DCAF1: variants seen among roughly 807,000 people sequenced by gnomAD.
The protein encoded by DCAF1 is DDB1 and CUL4 associated factor 1.
DCAF1 carries 15 observed loss-of-function variants against 128.0 expected under a neutral mutation model. The ratio of observed to expected loss-of-function variants is 0.12; its 90% confidence interval spans 0.08 to 0.18. The LOEUF is 0.18. Among genes scored for constraint, DCAF1 ranks in the 10% least tolerant of loss-of-function variants. The pLI is 1.00. For missense variants in DCAF1, 988 were observed against 1,649.5 expected (o/e 0.60, Z 6.95); for synonymous variants, 610 against 603.0 (o/e 1.01, Z -0.17).
chr3:51,431,728 G>A (rs1376555793), intron 10 of DCAF1, among the ~76,000 whole-genome samples: 11 of 151,572 alleles, frequency 7.3e-5, no homozygotes, highest in Admixed American at 6.6e-4. Context: ...ATGGTGGGAG[G>A]AGTACTTGAG....
chr3:51,413,115 C>T (rs781914133), intron 21 of DCAF1, 49 bp from the exon 22 acceptor site: 1 of 1,608,174 alleles, frequency 6.2e-7, no homozygotes, highest in South Asian at 1.1e-5. Context: ...TGCTGTGACC[C>T]TAAAACCTGC....
In DCAF1 at chr3:51,418,861, T is replaced by C. The variant is rs1553631454; in HGVS notation, c.3252A>G (p.Ser1084=). The C allele has an allele frequency of 6.2e-7, 1 of 1,612,110 alleles. No individual in the cohort carries two copies. The highest frequency in any genetic ancestry group is 2.2e-5 in the East Asian group (1 of 44,860). ...HLIFSRFRPI[S]VFREANEDES... ...CATCTTCATTGGCTTCCCGGAACAC[T>C]GAAATAGGACGGAATCTAAGCAAAA... The change falls in exon 16 of 25, where the codon TCA becomes TCG. Residue 1084 remains serine (S), a synonymous_variant. Coordinates refer to ENST00000684031, the MANE Select transcript of DCAF1 (RefSeq NM_001387579.1).
At chr3:51,496,353 G>C (rs1200016996) in intron 2 of DCAF1, among the ~76,000 whole-genome samples, 1 of 152,100 alleles carries the variant, frequency 6.6e-6, no homozygotes, top group Non-Finnish European at 1.5e-5. Context: ...CTTGAACCCA[G>C]GAGACAGAGG....
chr3:51,420,324 G>A lies in DCAF1; in HGVS notation c.2646C>T (p.Ser882=), dbSNP rs1276199037. ...KEADLPMTAA[S]HSSAFTPVTA... ...TGACTGGGGTAAAGGCAGAAGAATGGGAGGCAGCAGTCATGGGCAGGTCAG... is the reference window on the plus strand; with the variant it reads ...TGACTGGGGTAAAGGCAGAAGAATGAGAGGCAGCAGTCATGGGCAGGTCAG... The change falls in exon 15 of 25, where the codon TCC becomes TCT. Residue 882 remains serine, a synonymous_variant. Coordinates refer to ENST00000684031, the MANE Select transcript of DCAF1 (RefSeq NM_001387579.1). This position sits in a 1 kb window ranked among gnomAD's most constrained non-coding sequence, Gnocchi z 6.5. The A allele has an allele frequency of 7.4e-6, 12 of 1,613,880 alleles. No individual in the cohort carries two copies. Among genetic ancestry groups the A allele is most frequent in the African/African-American group, 1.3e-5 (1 of 74,924 alleles).
chr3:51,447,810 T>A (rs1027771763), intron 6 of DCAF1, among the ~76,000 whole-genome samples: 9 of 152,050 alleles, frequency 5.9e-5, no homozygotes, highest in Admixed American at 4.6e-4. Flanking sequence ...TAGCCAGGCA[T>A]GGTGGCACAC....
At position 51,418,145 on chromosome 3, in the gene DCAF1, A is replaced by C. The variant is rs782684307; in HGVS notation, c.3489T>G (p.Leu1163=). ...SATWSQPLSA[L]WGMKSVFDMK... Reference sequence around the variant, plus strand: ...TATCAAATACTGACTTCATTCCCCAAAGTGCAGACAAAGGCTGGCTCCAAG... The same window carrying C: ...TATCAAATACTGACTTCATTCCCCACAGTGCAGACAAAGGCTGGCTCCAAG... The change falls in exon 17 of 25, where the codon CTT becomes CTG. Residue 1163 remains leucine (L), a synonymous_variant. Transcript: ENST00000684031. The C allele has an allele frequency of 2.5e-6, 4 of 1,612,914 alleles. No individual in the cohort carries two copies. The highest frequency in any genetic ancestry group is 3.4e-6 in the Non-Finnish European group (4 of 1,179,522).
chr3:51,412,295 C>A (rs1252508504), intron 23 of DCAF1, 84 bp downstream of exon 23: 9 of 1,584,428 alleles, frequency 5.7e-6, no homozygotes, highest in African/African-American at 1.3e-5. Context: ...GTTGAGTAGA[C>A]CTTTAAAACC....
intron 1 of DCAF1, among the ~76,000 whole-genome samples, chr3:51,497,405 G>A (rs1553661554): frequency 6.6e-6 from 1 of 151,838 alleles, no homozygotes; most frequent in Non-Finnish European, 1.5e-5. Flanking sequence ...GGACCAACAT[G>A]GTGAAACCCC....
intron 5 of DCAF1, among the ~76,000 whole-genome samples, 170 bp downstream of exon 5, chr3:51,466,633 A>G (rs922539347): frequency 6.6e-6 from 1 of 152,190 alleles, no homozygotes; most frequent in Non-Finnish European, 1.5e-5. Flanking sequence ...CACCAATATC[A>G]AAGTACATAC....
chr3:51,421,146 G>A, intron 14 of DCAF1, 149 bp from the exon 15 acceptor site: 1 of 896,584 alleles, frequency 1.1e-6, no homozygotes, highest in Admixed American at 2.9e-5. Flanking sequence ...TGTATAAAGT[G>A]CAGACAGTTC....
At chr3:51,496,224 A>G (rs1181071616) in intron 2 of DCAF1, among the ~76,000 whole-genome samples, 2 of 152,134 alleles carry the variant, frequency 1.3e-5, no homozygotes, top group Non-Finnish European at 1.5e-5. Context: ...CAGGAGTTCG[A>G]GACCACCTGG....
downstream of DCAF1, chr3:51,395,972 G>A (rs1056756354): frequency 2.4e-5 from 10 of 413,316 alleles, no homozygotes; most frequent in Admixed American, 8.8e-5. Context: ...AGCAGGACAC[G>A]CCACCATTCC....
chr3:51,443,754 C>A lies in DCAF1; in HGVS notation c.513+12G>T. 6.3e-7 allele frequency: 1 copy of A among 1,588,826 alleles called. No homozygotes were observed. Among genetic ancestry groups the A allele is most frequent in the Non-Finnish European group, 8.5e-7 (1 of 1,173,380 alleles). ...CATTTTATATAAAAATTTATTCTAACACAGTCCTTACCAGCTGTGAATTTT... is the reference window on the plus strand; with the variant it reads ...CATTTTATATAAAAATTTATTCTAAAACAGTCCTTACCAGCTGTGAATTTT... On this transcript the variant is annotated intron_variant, in intron 7 of 24. Transcript: ENST00000684031.
chr3:51,488,960 G>A (rs782732496), intron 2 of DCAF1, among the ~76,000 whole-genome samples: 9 of 152,190 alleles, frequency 5.9e-5, no homozygotes, highest in East Asian at 1.9e-4. Flanking sequence ...GCGAGACTCC[G>A]TCTCGGGTGG....
intron 6 of DCAF1, among the ~76,000 whole-genome samples, chr3:51,450,418 G>A (rs1385555473): frequency 6.6e-6 from 1 of 152,082 alleles, no homozygotes; most frequent in Non-Finnish European, 1.5e-5. Flanking sequence ...TATACATCAT[G>A]ACTAAATAAA....
upstream of DCAF1, among the ~76,000 whole-genome samples, chr3:51,502,883 C>T (rs1305368357): frequency 6.6e-6 from 1 of 152,182 alleles, no homozygotes; most frequent in South Asian, 2.1e-4. Flanking sequence ...CAACTGCACA[C>T]GCATTCCAAG....
At chr3:51,483,331 T>A (rs1553653729) in intron 3 of DCAF1, among the ~76,000 whole-genome samples, 1 of 151,178 alleles carries the variant, frequency 6.6e-6, no homozygotes, top group African/African-American at 2.4e-5. Flanking sequence ...TCCCAGCTAC[T>A]TGGGAGGCTG....
intron 7 of DCAF1, 62 bp from the exon 8 acceptor site, chr3:51,441,959 A>G (rs1325634541): frequency 6.6e-7 from 1 of 1,512,418 alleles, no homozygotes; most frequent in Non-Finnish European, 8.8e-7. Flanking sequence ...GTAATCCTTA[A>G]TAATTCTTAT....
intron 4 of DCAF1, among the ~76,000 whole-genome samples, chr3:51,470,170 C>G (rs182654456): frequency 1.3e-5 from 2 of 152,298 alleles, no homozygotes; most frequent in East Asian, 3.9e-4. Context: ...AATGCTTTCT[C>G]AACTATATTT....
Sources: gnomAD v4.1 joint callset for allele counts (sites outside exome capture counted in the v4.1 genomes callset) on GRCh38, gnomAD v4.1.1 for gene constraint, Gnocchi (gnomAD v3.1) non-coding constraint, MANE v1.5 for transcripts, NCBI Gene and HGNC (gene_info 2026-07-23, HGNC 2026-07-21) for gene names.